The following TMEM178B variants were observed in gnomAD, a reference collection of about 807,000 sequenced individuals.
TMEM178B encodes the protein transmembrane protein 178B.
TMEM178B carries 5 observed loss-of-function variants against 31.0 expected under a neutral mutation model. The observed-to-expected ratio is 0.16, with a 90% CI of 0.08 to 0.34. The LOEUF (loss-of-function observed/expected upper bound fraction) is 0.34. Ranked by LOEUF, TMEM178B falls within the 10% of genes least tolerant of loss-of-function variation. TMEM178B has a pLI of 1.00. For synonymous variants in TMEM178B, 164 were observed against 164.0 expected, an observed-to-expected ratio of 1.00 and a Z score of 0.00; for missense variants, 275 against 400.3, an observed-to-expected ratio of 0.69 and a Z score of 2.67.
intron 2 of TMEM178B, among the ~76,000 whole-genome samples, chr7:141,337,017 T>C (rs202185131): frequency 0.02 from 379 of 18,496 alleles, no homozygotes; most frequent in Middle Eastern, 0.056. Flanking sequence ...ACCACCACCA[T>C]CACCACCATC....
intron 2 of TMEM178B, among the ~76,000 whole-genome samples, chr7:141,391,847 A>T (rs1800548426): frequency 6.6e-6 from 1 of 152,316 alleles, no homozygotes; most frequent in Middle Eastern, 3.4e-3. Flanking sequence ...ATGTTGTAGC[A>T]TGTGTGAGAA....
chr7:141,363,809 C>T (rs1316233913), intron 2 of TMEM178B, among the ~76,000 whole-genome samples: 2 of 152,048 alleles, frequency 1.3e-5, no homozygotes, highest in African/African-American at 4.8e-5. Flanking sequence ...AGGACCCTTT[C>T]AGCCCAGGAG....
chr7:141,428,629 G>A (rs945174922), intron 2 of TMEM178B, among the ~76,000 whole-genome samples: 7 of 152,102 alleles, frequency 4.6e-5, no homozygotes, highest in African/African-American at 1.7e-4. Flanking sequence ...GTCCTGGCAG[G>A]CCACCCCACG....
At chr7:141,094,510 A>G (rs1394769929) in intron 1 of TMEM178B, among the ~76,000 whole-genome samples, 1 of 152,212 alleles carries the variant, frequency 6.6e-6, no homozygotes, top group Non-Finnish European at 1.5e-5. Context: ...TAGCTATTCT[A>G]AGCACTGGGT....
intron 2 of TMEM178B, among the ~76,000 whole-genome samples, chr7:141,248,325 C>T (rs560302870): frequency 1.3e-5 from 2 of 152,258 alleles, no homozygotes; most frequent in Admixed American, 1.3e-4. Flanking sequence ...GCACGAGAAT[C>T]GCTTGAACCT....
chr7:141,416,190 A>G (rs1410595124), intron 2 of TMEM178B: 4 of 152,934 alleles, frequency 2.6e-5, no homozygotes, highest in Non-Finnish European at 5.9e-5. Flanking sequence ...AACTTCCTCA[A>G]GAACATGTGG....
At chr7:141,303,278 G>A (rs1051782495) in intron 2 of TMEM178B, among the ~76,000 whole-genome samples, 20 of 152,144 alleles carry the variant, frequency 1.3e-4, no homozygotes, top group African/African-American at 4.8e-4. Flanking sequence ...TATCGCCTGT[G>A]TTAGCAGGAT....
At chr7:141,464,183 A>G (rs892828943) in intron 3 of TMEM178B, among the ~76,000 whole-genome samples, 35 of 152,018 alleles carry the variant, frequency 2.3e-4, no homozygotes, top group African/African-American at 8.0e-4. Flanking sequence ...AAAGGAGGGG[A>G]CCTTTGGGGA....
At chr7:141,321,993 G>A (rs2886566) in intron 2 of TMEM178B, among the ~76,000 whole-genome samples, 50,204 of 151,580 alleles carry the variant, frequency 0.33, 10,655 homozygotes, top group African/African-American at 0.6. Flanking sequence ...GGAGCTCCTC[G>A]TTCTGTTTTG....
chr7:141,351,493 AC>A (rs1799721976), intron 2 of TMEM178B, among the ~76,000 whole-genome samples: 1 of 152,340 alleles, frequency 6.6e-6, no homozygotes, highest in African/African-American at 2.4e-5. Context: ...GGACAAGGTT[AC>A]TTTTGCTGTA....
chr7:141,091,663 T>A (rs1185032108), intron 1 of TMEM178B, among the ~76,000 whole-genome samples: 1 of 152,194 alleles, frequency 6.6e-6, no homozygotes, highest in African/African-American at 2.4e-5. Context: ...AGAATATCCC[T>A]GCATTGAGAT....
chr7:141,336,104 C>T (rs1187928285), intron 2 of TMEM178B, among the ~76,000 whole-genome samples: 2 of 152,124 alleles, frequency 1.3e-5, no homozygotes, highest in Admixed American at 6.5e-5. Flanking sequence ...CTTGGAGAGT[C>T]GCTGTTACGT....
chr7:141,422,514 C>A lies in TMEM178B; in HGVS notation c.497-15094C>A, dbSNP rs969198928. 6.6e-6 allele frequency among the ~76,000 whole-genome samples: 1 copy of A among 152,184 alleles called. No individual in the cohort carries two copies. The highest frequency in any genetic ancestry group is 2.4e-5 in the African/African-American group (1 of 41,444). ...AAGGCGGTTTAGTCTTCATTGGCATCCACTTGGTACATGGAGAAACCACTG... is the reference window on the plus strand; with the variant it reads ...AAGGCGGTTTAGTCTTCATTGGCATACACTTGGTACATGGAGAAACCACTG... On this transcript the variant is annotated intron_variant, in intron 2 of 3. Transcript: ENST00000565468. The surrounding 1 kb of genome is among the most constrained non-coding windows in gnomAD (Gnocchi z 4.2).
At chr7:141,206,865 A>G (rs972290431) in intron 1 of TMEM178B, among the ~76,000 whole-genome samples, 1 of 152,356 alleles carries the variant, frequency 6.6e-6, no homozygotes, top group Non-Finnish European at 1.5e-5. Context: ...AACTATAGGC[A>G]TAAGGTTATA....
In TMEM178B at chr7:141,193,139, T is replaced by C. The variant is rs188525793; in HGVS notation, c.383-19452T>C. Among the ~76,000 whole-genome samples the C allele has an allele frequency of 3.5e-3, 530 of 152,254 alleles. 6 individuals carry two copies. The highest frequency in any genetic ancestry group is 0.012 in the African/African-American group (503 of 41,552). On this transcript the variant is annotated intron_variant, in intron 1 of 3. Coordinates refer to ENST00000565468, the MANE Select transcript of TMEM178B (RefSeq NM_001195278.2). ...CTCCTATGAGGCGGTGGCCCTAGCA[T>C]CCTCTGCCTCCAGCCCTTCTGCTAA...
chr7:141,365,140 C>G (rs940086971), intron 2 of TMEM178B, among the ~76,000 whole-genome samples: 1 of 152,244 alleles, frequency 6.6e-6, no homozygotes, highest in African/African-American at 2.4e-5. Context: ...TTGGCATTTT[C>G]TTAGCCTTAT....
chr7:141,388,297 A>G (rs1800470931), intron 2 of TMEM178B, among the ~76,000 whole-genome samples: 1 of 152,168 alleles, frequency 6.6e-6, no homozygotes, highest in Admixed American at 6.5e-5. Context: ...ACTAATAGTC[A>G]GGCTTCGAAT....
At chr7:141,301,657 G>A (rs1412441343) in intron 2 of TMEM178B, among the ~76,000 whole-genome samples, 1 of 152,194 alleles carries the variant, frequency 6.6e-6, no homozygotes, top group Admixed American at 6.5e-5. Context: ...TCGTAGGTGT[G>A]TGTGAAGGTC....
chr7:141,346,344 C>A (rs1348061242), intron 2 of TMEM178B, among the ~76,000 whole-genome samples: 1 of 152,056 alleles, frequency 6.6e-6, no homozygotes, highest in African/African-American at 2.4e-5. Context: ...AAATAAAGAC[C>A]TAGGTGTAAT....
Sources: gnomAD v4.1 joint callset for allele counts (sites outside exome capture counted in the v4.1 genomes callset) on GRCh38, gnomAD v4.1.1 for gene constraint, Gnocchi (gnomAD v3.1) non-coding constraint, MANE v1.5 for transcripts, NCBI Gene and HGNC (gene_info 2026-07-23, HGNC 2026-07-21) for gene names.